Variants in DLGAP1 observed in about 807,000 individuals in gnomAD.
DLGAP1 encodes the protein disks large-associated protein 1.
A neutral mutation model predicts 90.8 loss-of-function variants in DLGAP1; 11 were observed. The ratio of observed to expected loss-of-function variants is 0.12; its 90% CI spans 0.08 to 0.20. DLGAP1 has a LOEUF of 0.20. Among genes scored for constraint, DLGAP1 ranks in the 10% least tolerant of loss-of-function variants. DLGAP1 has a pLI of 1.00. For missense variants in DLGAP1, 1,050 were observed against 1,333.8 expected (o/e 0.79, Z 3.31); for synonymous variants, 558 against 540.7 (o/e 1.03, Z -0.44).
chr18:4,108,888 G>C (rs7238545), intron 2 of DLGAP1, among the ~76,000 whole-genome samples: 118 of 151,860 alleles, frequency 7.8e-4, no homozygotes, highest in African/African-American at 2.8e-3. Context: ...TCCAAATAAT[G>C]GAAGGGCTGT....
intron 4 of DLGAP1, among the ~76,000 whole-genome samples, chr18:3,858,867 A>G (rs1462916690): frequency 1.3e-5 from 2 of 152,000 alleles, no homozygotes; most frequent in African/African-American, 4.8e-5. Context: ...CTAAGAGTTA[A>G]CACTTTAAAT....
chr18:4,301,039 GTTATA>G (rs1178309334), intron 1 of DLGAP1, among the ~76,000 whole-genome samples: 2 of 152,034 alleles, frequency 1.3e-5, no homozygotes, highest in Non-Finnish European at 2.9e-5. Context: ...GGGATACAAA[GTTATA>G]TTATGGTATA....
At chr18:4,244,085 A>C (rs2078603448) in intron 1 of DLGAP1, among the ~76,000 whole-genome samples, 1 of 152,152 alleles carries the variant, frequency 6.6e-6, no homozygotes, top group Non-Finnish European at 1.5e-5. Context: ...CATATATCCC[A>C]CATAATCACA....
intron 7 of DLGAP1, among the ~76,000 whole-genome samples, chr18:3,641,365 C>T (rs950259076): frequency 1.3e-5 from 2 of 151,398 alleles, no homozygotes; most frequent in African/African-American, 2.4e-5. Flanking sequence ...GAGGAAATCC[C>T]GTCTCTACTA....
rs376413348 is a variant in DLGAP1 at position 3,788,959 on chromosome 18, G to T, written c.1172+25100C>A. ...TTCTGTGGTGATATTACAGCTAATT[G>T]TTTCATTTTCAAACATTCTTCTAAT... On this transcript the variant is annotated intron_variant, in intron 5 of 12. Transcript: ENST00000315677. Among the ~76,000 whole-genome samples the T allele has an allele frequency of 7.2e-5, 11 of 152,298 alleles. No homozygotes were observed. The East Asian group carries it at 1.9e-3, about 27-fold the overall frequency.
Position 3,580,738 on chromosome 18 carries a change from C to T in DLGAP1, c.1965+1137G>A, listed in dbSNP as rs1234764770. ...AGGCCTCTCAGGACCAGGACAGCCA[C>T]GCACCATCCCCTCAGGTGTGACCGG... On this transcript the variant is annotated intron_variant, in intron 8 of 12. Transcript: ENST00000315677. The T allele has an allele frequency of 1.1e-4, 175 of 1,613,598 alleles. 1 individual carries two copies. The highest frequency in any genetic ancestry group is 6.8e-4 in the Admixed American group (41 of 59,954).
At chr18:3,885,681 T>C (rs2071292681) in intron 3 of DLGAP1, among the ~76,000 whole-genome samples, 1 of 152,238 alleles carries the variant, frequency 6.6e-6, no homozygotes, top group Non-Finnish European at 1.5e-5. Context: ...TAATTTCTTC[T>C]TGTTCGCTGT....
intron 3 of DLGAP1, among the ~76,000 whole-genome samples, chr18:3,943,451 G>GTTTTTTTT (rs11453774): frequency 7.6e-6 from 1 of 131,244 alleles, no homozygotes; most frequent in Non-Finnish European, 1.6e-5. Context: ...GAAAGAGAGG[G>GTTTTTTTT]TTTTTTTTTT....
intron 7 of DLGAP1, among the ~76,000 whole-genome samples, chr18:3,699,911 T>C (rs895001959): frequency 6.6e-6 from 1 of 152,216 alleles, no homozygotes; most frequent in Non-Finnish European, 1.5e-5. Context: ...CCCCATGGCT[T>C]TGTTTACACT....
chr18:3,932,261 A>G (rs959780974), intron 3 of DLGAP1, among the ~76,000 whole-genome samples: 22 of 152,190 alleles, frequency 1.4e-4, no homozygotes, highest in African/African-American at 4.8e-4. Flanking sequence ...GTACACACAT[A>G]TAGCCCAGGC....
At chr18:3,576,267 T>C (rs1417553873) in intron 8 of DLGAP1, among the ~76,000 whole-genome samples, 2 of 152,016 alleles carry the variant, frequency 1.3e-5, no homozygotes, top group East Asian at 3.9e-4. Context: ...AACTCCTTTT[T>C]TTTTTTTTTT....
intron 4 of DLGAP1, among the ~76,000 whole-genome samples, chr18:3,823,756 C>G (rs1275610653): frequency 6.6e-6 from 1 of 151,888 alleles, no homozygotes; most frequent in Non-Finnish European, 1.5e-5. Context: ...TTGAGACCAG[C>G]CTGGCCAACA....
intron 3 of DLGAP1, among the ~76,000 whole-genome samples, chr18:3,883,760 C>T (rs1414549967): frequency 2.6e-5 from 4 of 152,234 alleles, no homozygotes. Flanking sequence ...GGGGACCATT[C>T]CATCAGGGTG....
At position 3,879,367 on chromosome 18, in the gene DLGAP1, C is replaced by G; in HGVS notation, c.702G>C (p.Gln234His). 6.2e-7 allele frequency: 1 copy of G among 1,613,326 alleles called. No individual in the cohort carries two copies. Among genetic ancestry groups the G allele is most frequent in the Non-Finnish European group, 8.5e-7 (1 of 1,179,766 alleles). ...MGRCPDRSASQYFLEAYNTIS... is the reference protein window; with the variant it reads ...MGRCPDRSASHYFLEAYNTIS... Reference sequence around the variant, plus strand: ...TGGTGTTGTAGGCCTCCAGGAAGTACTGTGAGGCCGAGCGGTCGGGGCACC... The same window carrying G: ...TGGTGTTGTAGGCCTCCAGGAAGTAGTGTGAGGCCGAGCGGTCGGGGCACC... The change falls in exon 4 of 13, where the codon CAG (glutamine) becomes CAC (histidine). Residue 234 changes from glutamine (Q) to histidine (H), a missense_variant. Gln to His is a conservative substitution (Grantham distance 24). Coordinates refer to ENST00000315677, the MANE Select transcript of DLGAP1 (RefSeq NM_004746.4). The surrounding 1 kb of genome is among the most constrained non-coding windows in gnomAD (Gnocchi z 6.6).
In DLGAP1 at chr18:3,729,182, G is replaced by A. The variant is rs768835669; in HGVS notation, c.1544C>T (p.Ser515Leu). The change falls in exon 7 of 13, where the codon TCG becomes TTG. Residue 515 changes from serine to leucine, a missense_variant. By Grantham distance (145) the Ser-to-Leu change is moderately radical (BLOSUM62 -2). This residue lies in a region of DLGAP1 where 565 missense variants were observed against 879.7 expected (regional missense o/e 0.64). Transcript: ENST00000315677. This position sits in a 1 kb window ranked among gnomAD's most constrained non-coding sequence, Gnocchi z 6.2. Reference protein sequence around the residue: ...DDECVSLRSSSPPRTTTTVRT... With the variant: ...DDECVSLRSSLPPRTTTTVRT... ...AACGGTGGTGGTGGTGCGCGGCGGC[G>A]AGGACGACCTCAGGGACACGCACTC... 1 of 1,613,478 alleles carries A rather than the reference G, an allele frequency of 6.2e-7. No individual in the cohort carries two copies. The highest frequency in any genetic ancestry group is 2.2e-5 in the East Asian group (1 of 44,854).
chr18:4,313,801 A>G (rs1233373012), intron 1 of DLGAP1, among the ~76,000 whole-genome samples: 1 of 152,238 alleles, frequency 6.6e-6, no homozygotes, highest in Non-Finnish European at 1.5e-5. Context: ...GCTAGTTAGC[A>G]TGCTGCAGAA....
chr18:3,747,784 T>C lies in DLGAP1; in HGVS notation c.1173-5272A>G, dbSNP rs146392743. Among the ~76,000 whole-genome samples the C allele has an allele frequency of 3.7e-3, 564 of 152,366 alleles. 4 individuals are homozygous for C. The highest frequency in any genetic ancestry group is 0.013 in the African/African-American group (533 of 41,580). On this transcript the variant is annotated intron_variant, in intron 5 of 12. Coordinates refer to ENST00000315677, the MANE Select transcript of DLGAP1 (RefSeq NM_004746.4). The stretch of plus-strand genomic sequence containing the variant: ...CAGAAGGAATTGAATAGTTCTTCTC[T>C]GGTGAGTCATTCCTGATAAAACAAT...
chr18:3,839,893 T>C (rs973063064), intron 4 of DLGAP1, among the ~76,000 whole-genome samples: 9 of 152,210 alleles, frequency 5.9e-5, no homozygotes, highest in Non-Finnish European at 1.0e-4. Flanking sequence ...AACAGGACAT[T>C]CCGCCATCTG....
chr18:4,170,757 T>C (rs898046564), intron 1 of DLGAP1, among the ~76,000 whole-genome samples: 24 of 152,214 alleles, frequency 1.6e-4, no homozygotes, highest in African/African-American at 5.5e-4. Context: ...CTTATTTAAA[T>C]AAGAATAAAA....
Sources: allele counts gnomAD v4.1 joint callset (sites outside exome capture counted in the v4.1 genomes callset), GRCh38; gene constraint gnomAD v4.1.1; regional missense constraint gnomAD v4.1.1; non-coding constraint Gnocchi (gnomAD v3.1); transcripts MANE v1.5; gene names NCBI Gene and HGNC (gene_info 2026-07-23, HGNC 2026-07-21).